HLA-DRB1: variants seen among roughly 807,000 people sequenced by gnomAD.
The protein encoded by HLA-DRB1 is major histocompatibility complex, class II, DR beta 1 precursor.
In HLA-DRB1, 10 loss-of-function variants were observed where a neutral mutation model predicts 27.9. The observed-to-expected ratio is 0.36, with a 90% CI of 0.22 to 0.61. The LOEUF is 0.61. Among genes scored for constraint, HLA-DRB1 ranks in the 20% least tolerant of loss-of-function variants. HLA-DRB1 has a pLI of 0.73. For missense variants in HLA-DRB1, 118 were observed against 306.3 expected (o/e 0.39, Z 4.59); for synonymous variants, 57 against 126.7 (o/e 0.45, Z 3.69).
intron 2 of HLA-DRB1, 67 bp downstream of exon 2, chr6:32,584,042 C>T (rs1487832710): frequency 1.1e-5 from 5 of 466,162 alleles, no homozygotes; most frequent in South Asian, 2.1e-5. Flanking sequence ...CACACACACA[C>T]ACACACACAC....
intron 1 of HLA-DRB1, among the ~76,000 whole-genome samples, chr6:32,584,813 G>T (rs112530924): frequency 1.0e-5 from 1 of 97,652 alleles, no homozygotes; most frequent in African/African-American, 4.6e-5. Context: ...CTTGTGCCAG[G>T]CCTGCGCTGC....
Position 32,579,108 on chromosome 6 carries a change from C to A in HLA-DRB1, c.788-4G>T. 1.1e-6 allele frequency: 1 copy of A among 936,888 alleles called. No individual in the cohort carries two copies. The highest frequency in any genetic ancestry group is 1.5e-6 in the Non-Finnish European group (1 of 688,406). The allele number at this position is 936,888 out of a possible 1,614,324, so 58.0% of individuals were successfully genotyped here. On this transcript the variant is annotated splice_polypyrimidine_tract_variant and splice_region_variant and intron_variant, in intron 5 of 5. Coordinates refer to ENST00000360004, the Ensembl canonical transcript of HLA-DRB1. ...TCTGCATTTCAGCTCAGGAATCCTG[C>A]AAAAGACAGAGGAGAGTGTTGTTTT...
chr6:32,582,078 G>T (rs1323257436), intron 2 of HLA-DRB1, among the ~76,000 whole-genome samples: 1 of 107,354 alleles, frequency 9.3e-6, no homozygotes, highest in Non-Finnish European at 1.9e-5. Context: ...AAATCGGCAT[G>T]CATTGTCAAA....
chr6:32,587,618 A>G (rs9270155), intron 1 of HLA-DRB1, among the ~76,000 whole-genome samples: 10,324 of 46,328 alleles, frequency 0.22, 1,922 homozygotes, highest in Middle Eastern at 0.54. Flanking sequence ...TGGAACTTTC[A>G]TCCCTTAGAT....
At chr6:32,586,985 C>T (rs114856598) in intron 1 of HLA-DRB1, among the ~76,000 whole-genome samples, 13,353 of 81,536 alleles carry the variant, frequency 0.16, 2,389 homozygotes, top group Admixed American at 0.19. Context: ...AGCCACAAAC[C>T]TGTTTTCCCT....
intron 1 of HLA-DRB1, among the ~76,000 whole-genome samples, chr6:32,587,006 C>T (rs1437476765): frequency 1.2e-5 from 1 of 81,364 alleles, no homozygotes; most frequent in Non-Finnish European, 2.5e-5. Context: ...GAAGAATTCC[C>T]TGCTGTGCTC....
chr6:32,586,922 A>G (rs35301297), intron 1 of HLA-DRB1, among the ~76,000 whole-genome samples: 13,489 of 95,212 alleles, frequency 0.14, 1,568 homozygotes, highest in Admixed American at 0.16. Flanking sequence ...AATACATGCC[A>G]AGTCTGTCCA....
intron 2 of HLA-DRB1, 39 bp from the exon 3 acceptor site, chr6:32,581,877 AC>A (rs750301093): frequency 0.13 from 104,692 of 815,642 alleles, 133 homozygotes; most frequent in East Asian, 0.19. Context: ...AGTCAGGAAG[AC>A]AGAGTAAGTC....
At chr6:32,582,899 C>A in intron 2 of HLA-DRB1, among the ~76,000 whole-genome samples, 2 of 130,360 alleles carry the variant, frequency 1.5e-5, no homozygotes, top group Non-Finnish European at 3.3e-5. Context: ...AACCTGGAGA[C>A]AACAATGCCA....
At chr6:32,584,581 C>CTA (rs1207339732) in intron 1 of HLA-DRB1, among the ~76,000 whole-genome samples, 108 of 142,724 alleles carry the variant, frequency 7.6e-4, no homozygotes, top group Middle Eastern at 3.6e-3. Flanking sequence ...TGCGGGAAAA[C>CTA]CCCTTCTCAT....
chr6:32,587,589 T>C (rs34820312), intron 1 of HLA-DRB1, among the ~76,000 whole-genome samples: 1,157 of 72,606 alleles, frequency 0.016, 5 homozygotes, highest in East Asian at 0.05. Context: ...ATCAGGGCTT[T>C]CCCCCGATTC....
At chr6:32,581,202 T>C in intron 3 of HLA-DRB1, among the ~76,000 whole-genome samples, 1 of 93,142 alleles carries the variant, frequency 1.1e-5, no homozygotes, top group South Asian at 3.3e-4. Flanking sequence ...GCCCCTACAC[T>C]TCTCCTCTTC....
At chr6:32,586,874 T>C (rs111375569) in intron 1 of HLA-DRB1, among the ~76,000 whole-genome samples, 21,157 of 81,480 alleles carry the variant, frequency 0.26, 1,880 homozygotes, top group Middle Eastern at 0.42. Context: ...TTGATTGTTC[T>C]ACCCCCTTTA....
chr6:32,584,482 C>T, intron 1 of HLA-DRB1, 104 bp from the exon 2 acceptor site: 2 of 655,690 alleles, frequency 3.1e-6, no homozygotes, highest in South Asian at 3.8e-5. Context: ...GCGCTGGAAC[C>T]TTAACCGGCC....
At chr6:32,585,017 T>C (rs114691498) in intron 1 of HLA-DRB1, among the ~76,000 whole-genome samples, 3,009 of 61,036 alleles carry the variant, frequency 0.049, 275 homozygotes, top group Non-Finnish European at 0.053. Flanking sequence ...AAATTATGGT[T>C]GTGTATCTGA....
chr6:32,586,053 C>T (rs1217463067), intron 1 of HLA-DRB1, among the ~76,000 whole-genome samples: 1 of 83,774 alleles, frequency 1.2e-5, no homozygotes. Context: ...TAAATATTGG[C>T]TGTGTGAAAT....
At chr6:32,582,316 A>C (rs35807171) in intron 2 of HLA-DRB1, among the ~76,000 whole-genome samples, 3,802 of 109,588 alleles carry the variant, frequency 0.035, no homozygotes, top group Admixed American at 0.065. Context: ...CAATGACTGA[A>C]GATAGCCTTC....
chr6:32,582,308 A>G lies in HLA-DRB1; in HGVS notation c.371-470T>C, dbSNP rs1230377929. ...TAATGCACGTAAAATATATAAAACA[A>G]TGACTGAAGATAGCCTTCAGTTTAT... On this transcript the variant is annotated intron_variant, in intron 2 of 5. Coordinates refer to ENST00000360004, the Ensembl canonical transcript of HLA-DRB1. Among the ~76,000 whole-genome samples the G allele has an allele frequency of 4.2e-5, 5 of 117,780 alleles. No individual in the cohort carries two copies. In the South Asian group the frequency reaches 1.1e-3, roughly 26 times the overall value. The allele number at this position is 117,780 out of a possible 152,430, so 77.3% of individuals were successfully genotyped here. A position where few individuals can be genotyped will look rare whatever the true frequency, so the allele number is the denominator to read the frequency against.
intron 2 of HLA-DRB1, among the ~76,000 whole-genome samples, chr6:32,582,700 A>C: frequency 1.1e-5 from 1 of 89,972 alleles, no homozygotes. Context: ...TAGCTGATCA[A>C]TGCATCTCCC....
Sources: gnomAD v4.1 joint callset for allele counts (sites outside exome capture counted in the v4.1 genomes callset) on GRCh38, gnomAD v4.1.1 for gene constraint, MANE v1.5 for transcripts, NCBI Gene and HGNC (gene_info 2026-07-23, HGNC 2026-07-21) for gene names.